The following LHFPL6 variants were observed in gnomAD, a reference collection of about 807,000 sequenced individuals.
LHFPL6 encodes the protein LHFPL tetraspan subfamily member 6 protein.
A neutral mutation model predicts 20.6 loss-of-function variants in LHFPL6; 9 were observed. The ratio of observed to expected loss-of-function variants is 0.44; its 90% CI spans 0.26 to 0.76. The LOEUF (loss-of-function observed/expected upper bound fraction) is 0.76. Among genes scored for constraint, LHFPL6 ranks in the 30% least tolerant of loss-of-function variants. LHFPL6 has a pLI of 0.20. For missense variants in LHFPL6, 218 were observed against 253.5 expected (o/e 0.86, Z 0.95); for synonymous variants, 105 against 98.7 (o/e 1.06, Z -0.38).
At chr13:39,509,890 T>C (rs1180012755) in intron 2 of LHFPL6, among the ~76,000 whole-genome samples, 1 of 152,162 alleles carries the variant, frequency 6.6e-6, no homozygotes, top group Non-Finnish European at 1.5e-5. Flanking sequence ...CAGTCAGCCA[T>C]GACTGTGCCT....
chr13:39,515,642 GC>G (rs1445030238), intron 2 of LHFPL6, among the ~76,000 whole-genome samples: 2 of 152,126 alleles, frequency 1.3e-5, no homozygotes, highest in African/African-American at 4.8e-5. Context: ...CTGCCCGACA[GC>G]AAAGCAGCTC....
chr13:39,431,702 G>T (rs1871807900), intron 2 of LHFPL6, among the ~76,000 whole-genome samples: 1 of 123,248 alleles, frequency 8.1e-6, no homozygotes, highest in African/African-American at 3.1e-5. Context: ...TAAGCCAAAA[G>T]CCCTGTAGAA....
intron 2 of LHFPL6, among the ~76,000 whole-genome samples, chr13:39,403,883 C>T (rs990009609): frequency 6.6e-5 from 10 of 152,156 alleles, no homozygotes; most frequent in African/African-American, 1.4e-4. Context: ...AGAAAAATGG[C>T]GTCTGTGGCT....
intron 2 of LHFPL6, among the ~76,000 whole-genome samples, chr13:39,400,436 C>T (rs1407190617): frequency 6.6e-6 from 1 of 152,152 alleles, no homozygotes; most frequent in Non-Finnish European, 1.5e-5. Context: ...GCAGACAGTT[C>T]CACTGGACAG....
intron 2 of LHFPL6, 94 bp from the exon 3 acceptor site, chr13:39,378,620 A>G (rs746025595): frequency 3.5e-5 from 31 of 895,466 alleles, no homozygotes; most frequent in Non-Finnish European, 5.0e-5. Context: ...TAACAAGACC[A>G]TAGCGTCTGC....
chr13:39,388,901 C>A (rs188431145), intron 2 of LHFPL6, among the ~76,000 whole-genome samples: 9 of 152,294 alleles, frequency 5.9e-5, no homozygotes, highest in Middle Eastern at 3.4e-3. Context: ...TCCCGGCAGG[C>A]TTGTAGAGCG....
chr13:39,594,288 C>T (rs563090137), intron 2 of LHFPL6, among the ~76,000 whole-genome samples: 33 of 152,266 alleles, frequency 2.2e-4, no homozygotes, highest in Non-Finnish European at 3.7e-4. Context: ...CACACAACCC[C>T]ATCAAAAAGT....
At chr13:39,467,587 T>G (rs1056834663) in intron 2 of LHFPL6, among the ~76,000 whole-genome samples, 1 of 152,162 alleles carries the variant, frequency 6.6e-6, no homozygotes, top group African/African-American at 2.4e-5. Flanking sequence ...ACCTGGAAAC[T>G]AGATCCACCA....
chr13:39,546,002 C>A (rs1326797008), intron 2 of LHFPL6, among the ~76,000 whole-genome samples: 1 of 151,876 alleles, frequency 6.6e-6, no homozygotes, highest in Non-Finnish European at 1.5e-5. Context: ...TATTTTCTAT[C>A]CAAGATTGTT....
At chr13:39,492,270 A>G (rs1288662754) in intron 2 of LHFPL6, among the ~76,000 whole-genome samples, 1 of 152,212 alleles carries the variant, frequency 6.6e-6, no homozygotes, top group Admixed American at 6.5e-5. Flanking sequence ...AGTGACCCCA[A>G]AATAAAAACT....
chr13:39,425,129 G>A (rs755365240), intron 2 of LHFPL6, among the ~76,000 whole-genome samples: 1 of 152,120 alleles, frequency 6.6e-6, no homozygotes, highest in South Asian at 2.1e-4. Flanking sequence ...TAACAGGTTA[G>A]TTTGTATTCT....
At chr13:39,549,295 T>C (rs997418166) in intron 2 of LHFPL6, among the ~76,000 whole-genome samples, 5 of 152,140 alleles carry the variant, frequency 3.3e-5, no homozygotes, top group African/African-American at 1.2e-4. Context: ...TACATCCATA[T>C]GCAAAGAAAA....
At chr13:39,542,098 T>C (rs1226320231) in intron 2 of LHFPL6, among the ~76,000 whole-genome samples, 2 of 95,008 alleles carry the variant, frequency 2.1e-5, no homozygotes, top group African/African-American at 8.7e-5. Flanking sequence ...CTCAAAAATA[T>C]AATAATAATA....
intron 2 of LHFPL6, among the ~76,000 whole-genome samples, chr13:39,557,940 C>G (rs1350705965): frequency 6.6e-6 from 1 of 152,110 alleles, no homozygotes; most frequent in Non-Finnish European, 1.5e-5. Flanking sequence ...CTGCTCTGGC[C>G]ATGACACACC....
intron 2 of LHFPL6, among the ~76,000 whole-genome samples, chr13:39,493,316 A>AT (rs1868992207): frequency 6.6e-6 from 1 of 151,372 alleles, no homozygotes; most frequent in Non-Finnish European, 1.5e-5. Context: ...TAAAAAAAAA[A>AT]AAAATAGGGA....
chr13:39,436,597 C>T (rs370793989), intron 2 of LHFPL6, among the ~76,000 whole-genome samples: 118 of 152,294 alleles, frequency 7.7e-4, no homozygotes, highest in South Asian at 4.1e-3. Context: ...CTTCTAGTTC[C>T]TACCAATACT....
chr13:39,563,091 A>AACACAC (rs60324329), intron 2 of LHFPL6, among the ~76,000 whole-genome samples: 11,706 of 135,532 alleles, frequency 0.086, 678 homozygotes, highest in Non-Finnish European at 0.12. Context: ...CAATACTAGA[A>AACACAC]ACACACACAC....
chr13:39,392,044 T>C (rs187037188), intron 2 of LHFPL6, among the ~76,000 whole-genome samples: 38 of 152,336 alleles, frequency 2.5e-4, no homozygotes, highest in Non-Finnish European at 4.1e-4. Context: ...CCCAAACAAG[T>C]TTTGAAAGTA....
intron 2 of LHFPL6, among the ~76,000 whole-genome samples, chr13:39,439,211 T>C (rs1056449965): frequency 2.0e-5 from 3 of 152,212 alleles, no homozygotes; most frequent in Non-Finnish European, 2.9e-5. Context: ...ATGTGAGACA[T>C]GCAGTCAAAG....
Sources: allele counts gnomAD v4.1 joint callset (sites outside exome capture counted in the v4.1 genomes callset), GRCh38; gene constraint gnomAD v4.1.1; transcripts MANE v1.5; gene names NCBI Gene and HGNC (gene_info 2026-07-23, HGNC 2026-07-21).